Variants in CDH11 observed in about 807,000 individuals in gnomAD.
CDH11 encodes cadherin 11.
A neutral mutation model predicts 67.8 loss-of-function variants in CDH11; 11 were observed. The ratio of observed to expected loss-of-function variants is 0.16; its 90% CI spans 0.10 to 0.27. The LOEUF is 0.27. Among genes scored for constraint, CDH11 ranks in the 10% least tolerant of loss-of-function variants. CDH11 has a pLI of 1.00. For synonymous variants in CDH11, 419 were observed against 400.0 expected, an observed-to-expected ratio of 1.05 and a Z score of -0.57; for missense variants, 847 against 1,031.2, an observed-to-expected ratio of 0.82 and a Z score of 2.45.
At chr16:64,981,935 T>C in intron 8 of CDH11, 113 bp downstream of exon 8, 1 of 880,912 alleles carries the variant, frequency 1.1e-6, no homozygotes, top group Non-Finnish European at 1.8e-6. Flanking sequence ...CTATTGAACC[T>C]GATAAACTTG....
chr16:64,944,752 T>G lies in CDH11; in HGVS notation c.*2851A>C, dbSNP rs2071165855. 4.3e-6 allele frequency: 1 copy of G among 231,390 alleles called. No individual in the cohort carries two copies. Among genetic ancestry groups the G allele is most frequent in the Admixed American group, 5.6e-5 (1 of 17,712 alleles). The allele number at this position is 231,390 out of a possible 1,614,324, so 14.3% of individuals were successfully genotyped here. On this transcript the variant is annotated 3_prime_UTR_variant, in exon 13 of 13. Coordinates refer to ENST00000268603, the MANE Select transcript of CDH11 (RefSeq NM_001797.4). Reference sequence around the variant, plus strand: ...AGAAATAACTTAGCTAAACCCAAGATCTGTCCAGAATTGCCACAGCTGGCC... The same window carrying G: ...AGAAATAACTTAGCTAAACCCAAGAGCTGTCCAGAATTGCCACAGCTGGCC...
intron 2 of CDH11, among the ~76,000 whole-genome samples, chr16:65,023,781 A>G (rs1315101235): frequency 6.6e-6 from 1 of 152,204 alleles, no homozygotes; most frequent in South Asian, 2.1e-4. Flanking sequence ...ATGCATTACA[A>G]TTAGCAAATA....
At chr16:65,103,994 G>C (rs1038902186) in intron 1 of CDH11, among the ~76,000 whole-genome samples, 1 of 152,044 alleles carries the variant, frequency 6.6e-6, no homozygotes, top group Non-Finnish European at 1.5e-5. Context: ...CTAAATATGT[G>C]AATGACGTTT....
At chr16:65,038,500 T>C (rs1440254475) in intron 2 of CDH11, among the ~76,000 whole-genome samples, 1 of 152,126 alleles carries the variant, frequency 6.6e-6, no homozygotes, top group East Asian at 1.9e-4. Flanking sequence ...AATCTAAACA[T>C]GCAACTTACA....
intron 8 of CDH11, among the ~76,000 whole-genome samples, chr16:64,976,583 G>A (rs891231889): frequency 6.6e-6 from 1 of 152,190 alleles, no homozygotes; most frequent in Non-Finnish European, 1.5e-5. Context: ...GGCCTTGCCT[G>A]ATGGCTCAAG....
At chr16:65,075,342 A>C (rs1597162677) in intron 1 of CDH11, among the ~76,000 whole-genome samples, 1 of 152,272 alleles carries the variant, frequency 6.6e-6, no homozygotes, top group Admixed American at 6.5e-5. Flanking sequence ...TTCAGACAAC[A>C]CTGTCCTAAA....
intron 1 of CDH11, among the ~76,000 whole-genome samples, chr16:65,082,511 C>G (rs1283791260): frequency 6.6e-6 from 1 of 152,164 alleles, no homozygotes; most frequent in Non-Finnish European, 1.5e-5. Context: ...AGGGCTCTCT[C>G]TGACTGGTCA....
At chr16:65,112,156 A>T (rs185637835) in intron 1 of CDH11, among the ~76,000 whole-genome samples, 27 of 152,216 alleles carry the variant, frequency 1.8e-4, no homozygotes, top group Admixed American at 5.2e-4. Flanking sequence ...ATCAAAGAAC[A>T]TAACCTTTGG....
At chr16:65,005,333 T>C (rs1304066006) in intron 2 of CDH11, among the ~76,000 whole-genome samples, 3 of 152,160 alleles carry the variant, frequency 2.0e-5, no homozygotes, top group African/African-American at 7.2e-5. Flanking sequence ...ATCAAAATTG[T>C]GCTTAGATAT....
Position 64,998,716 on chromosome 16 carries a change from C to G in CDH11, c.369G>C (p.Gln123His). ...CCACCGCCTGAGCCATCAACGTGTA[C>G]TGGGCTCTCTCTTCTCGATCCAACG... ...TKTLDREERA[Q>H]YTLMAQAVDR... Residue 123 changes from glutamine to histidine, a missense_variant, in exon 4 of 13, where the codon CAG (glutamine) becomes CAC (histidine). Physicochemically the swap from Gln to His is conservative, Grantham distance 24. Around this residue, in one of 2 missense-constraint regions of CDH11, gnomAD observed 235 missense variants for 352.5 expected, o/e 0.67. Transcript: ENST00000268603. 6.2e-7 allele frequency: 1 copy of G among 1,614,140 alleles called. No homozygotes were observed. The highest frequency in any genetic ancestry group is 8.5e-7 in the Non-Finnish European group (1 of 1,180,022).
chr16:65,110,368 A>G (rs2075135412), intron 1 of CDH11, among the ~76,000 whole-genome samples: 1 of 152,156 alleles, frequency 6.6e-6, no homozygotes. Context: ...AAAGCAACAG[A>G]AATAGACTCT....
intron 2 of CDH11, among the ~76,000 whole-genome samples, chr16:65,027,824 T>A (rs553309006): frequency 1.6e-4 from 24 of 152,264 alleles, no homozygotes; most frequent in African/African-American, 5.5e-4. Flanking sequence ...GCCTAGAGAT[T>A]TTTGTATGCC....
intron 2 of CDH11, among the ~76,000 whole-genome samples, chr16:65,014,727 G>A (rs962516933): frequency 5.0e-5 from 7 of 139,574 alleles, no homozygotes; most frequent in South Asian, 4.4e-4. Context: ...AGATGTAGAC[G>A]GTTTTAGGAA....
chr16:65,089,229 C>T (rs527804740), intron 1 of CDH11, among the ~76,000 whole-genome samples: 3 of 152,104 alleles, frequency 2.0e-5, no homozygotes, highest in Non-Finnish European at 4.4e-5. Context: ...AAGAAACCTC[C>T]AACTCTGGGT....
chr16:65,004,534 T>C (rs2073002811), intron 3 of CDH11, 108 bp downstream of exon 3: 1 of 1,128,282 alleles, frequency 8.9e-7, no homozygotes, highest in Non-Finnish European at 1.2e-6. Flanking sequence ...TTCAAGCCAT[T>C]GGTGTTTTCT....
intron 2 of CDH11, among the ~76,000 whole-genome samples, chr16:65,022,064 T>C (rs761224034): frequency 1.3e-5 from 2 of 152,072 alleles, no homozygotes; most frequent in Admixed American, 6.6e-5. Context: ...AGCTACAGTA[T>C]GAGGCAAGCA....
At chr16:65,108,540 C>T (rs910655642) in intron 1 of CDH11, among the ~76,000 whole-genome samples, 8 of 152,104 alleles carry the variant, frequency 5.3e-5, no homozygotes, top group African/African-American at 1.7e-4. Flanking sequence ...TGAAGTTGTT[C>T]AAGATAGATC....
chr16:65,054,400 T>C lies in CDH11; in HGVS notation c.-297-472A>G, dbSNP rs76033369. The stretch of plus-strand genomic sequence containing the variant: ...CAGGCTCAAGGATGAAGAGTAGCAA[T>C]AGCAGTGGTGGTAATAGGAGATACT... On this transcript the variant is annotated intron_variant, in intron 1 of 12. Coordinates refer to ENST00000268603, the MANE Select transcript of CDH11 (RefSeq NM_001797.4). Among the ~76,000 whole-genome samples, 416 of 152,214 alleles carry C rather than the reference T, an allele frequency of 2.7e-3. 20 individuals are homozygous for C. The East Asian group carries it at 0.066, about 24-fold the overall frequency.
intron 1 of CDH11, among the ~76,000 whole-genome samples, chr16:65,112,883 A>G (rs2075182771): frequency 6.6e-6 from 1 of 152,250 alleles, no homozygotes; most frequent in Non-Finnish European, 1.5e-5. Flanking sequence ...AGGGCTCACA[A>G]CTTAACTGCC....
Sources: allele counts gnomAD v4.1 joint callset (sites outside exome capture counted in the v4.1 genomes callset), GRCh38; gene constraint gnomAD v4.1.1; regional missense constraint gnomAD v4.1.1; transcripts MANE v1.5; gene names NCBI Gene and HGNC (gene_info 2026-07-23, HGNC 2026-07-21).